The following ROCK1 variants were observed in gnomAD, a reference collection of about 807,000 sequenced individuals.
The protein encoded by ROCK1 is rho-associated protein kinase 1.
A neutral mutation model predicts 196.8 loss-of-function variants in ROCK1; 36 were observed. That is an observed-to-expected ratio of 0.18 (90% confidence interval 0.14 to 0.24). The LOEUF (loss-of-function observed/expected upper bound fraction) is 0.24. Among genes scored for constraint, ROCK1 ranks in the 10% least tolerant of loss-of-function variants. ROCK1 has a pLI of 1.00. For missense variants in ROCK1, 920 were observed against 1,562.0 expected (o/e 0.59, Z 6.93); for synonymous variants, 443 against 515.9 (o/e 0.86, Z 1.91).
chr18:20,963,007 T>G (rs1244668992), intron 27 of ROCK1, among the ~76,000 whole-genome samples: 1 of 152,142 alleles, frequency 6.6e-6, no homozygotes, highest in East Asian at 1.9e-4. Context: ...AGTGGTGATC[T>G]GGAGGTATAA....
At chr18:20,959,093 AAT>A (rs1259427078) in intron 29 of ROCK1, among the ~76,000 whole-genome samples, 494 of 32,368 alleles carry the variant, frequency 0.015, 10 homozygotes, top group Middle Eastern at 0.071. Context: ...TATTTTATAT[AAT>A]ATATATATTA....
At chr18:21,051,934 G>A (rs1366109813) in intron 2 of ROCK1, among the ~76,000 whole-genome samples, 1 of 152,160 alleles carries the variant, frequency 6.6e-6, no homozygotes, top group Non-Finnish European at 1.5e-5. Context: ...TAGGAAATAC[G>A]TAGAAGATGA....
chr18:20,971,055 G>A (rs1160043012), intron 22 of ROCK1, among the ~76,000 whole-genome samples: 1 of 152,086 alleles, frequency 6.6e-6, no homozygotes, highest in Non-Finnish European at 1.5e-5. Flanking sequence ...AAACTAATCT[G>A]AGAATGCTCC....
chr18:20,983,982 A>G (rs1412850669), intron 20 of ROCK1, among the ~76,000 whole-genome samples: 1 of 152,220 alleles, frequency 6.6e-6, no homozygotes, highest in Admixed American at 6.5e-5. Context: ...CAGAAAAAGA[A>G]AAAAGACATT....
chr18:20,970,200 AAACT>A, intron 23 of ROCK1, 144 bp downstream of exon 23: 1 of 546,376 alleles, frequency 1.8e-6, no homozygotes, highest in South Asian at 3.6e-5. Flanking sequence ...GGTATTATAC[AAACT>A]ATTTTATACA....
chr18:20,957,806 T>TAA (rs35473579), intron 29 of ROCK1, among the ~76,000 whole-genome samples: 8 of 134,558 alleles, frequency 5.9e-5, no homozygotes, highest in African/African-American at 1.1e-4. Context: ...CTTCATAAAT[T>TAA]AAAAAAAAAA....
At chr18:21,050,025 C>T (rs1035162473) in intron 2 of ROCK1, 145 bp from the exon 3 acceptor site, 9 of 493,504 alleles carry the variant, frequency 1.8e-5, no homozygotes, top group Non-Finnish European at 2.8e-5. Context: ...AAACTTGAAG[C>T]TATAAAGTAG....
At chr18:20,963,252 G>A (rs906946203) in intron 27 of ROCK1, among the ~76,000 whole-genome samples, 1 of 152,060 alleles carries the variant, frequency 6.6e-6, no homozygotes, top group African/African-American at 2.4e-5. Context: ...CCAAATAAGA[G>A]ACAATCTAAC....
chr18:20,954,462 G>A (rs1426689249), intron 31 of ROCK1, among the ~76,000 whole-genome samples: 55 of 151,206 alleles, frequency 3.6e-4, no homozygotes, highest in Non-Finnish European at 6.0e-4. Context: ...TATAGTCCCA[G>A]CTACTCAGGA....
At chr18:21,080,835 G>T (rs2036476731) in intron 1 of ROCK1, among the ~76,000 whole-genome samples, 1 of 152,042 alleles carries the variant, frequency 6.6e-6, no homozygotes, top group Non-Finnish European at 1.5e-5. Context: ...TGTACATTTG[G>T]TATATAAATA....
intron 16 of ROCK1, among the ~76,000 whole-genome samples, chr18:20,994,297 G>C (rs1175208171): frequency 6.6e-6 from 1 of 152,164 alleles, no homozygotes; most frequent in African/African-American, 2.4e-5. Context: ...AAATGTTGAA[G>C]TGCTATTTAG....
chr18:21,105,921 A>G (rs2036699083), intron 1 of ROCK1, among the ~76,000 whole-genome samples: 1 of 152,232 alleles, frequency 6.6e-6, no homozygotes. Flanking sequence ...GAAAAGAAAA[A>G]AAGAAGAATG....
At chr18:21,032,382 GAAA>G (rs1394225686) in intron 9 of ROCK1, among the ~76,000 whole-genome samples, 1 of 150,094 alleles carries the variant, frequency 6.7e-6, no homozygotes, top group African/African-American at 2.5e-5. Context: ...AAAATATACA[GAAA>G]AGGAAAAGAA....
At chr18:21,077,541 G>A (rs1402840007) in intron 1 of ROCK1, among the ~76,000 whole-genome samples, 2 of 152,172 alleles carry the variant, frequency 1.3e-5, no homozygotes, top group Non-Finnish European at 2.9e-5. Flanking sequence ...AAAGATGGGG[G>A]AGTAGGGAGG....
chr18:21,057,297 A>T (rs2036252275), intron 2 of ROCK1, among the ~76,000 whole-genome samples: 1 of 152,168 alleles, frequency 6.6e-6, no homozygotes, highest in African/African-American at 2.4e-5. Context: ...AAAATGAGCA[A>T]ATTGAGTCAT....
At chr18:21,034,012 C>T (rs1159031057) in intron 9 of ROCK1, among the ~76,000 whole-genome samples, 14 of 132,304 alleles carry the variant, frequency 1.1e-4, no homozygotes, top group South Asian at 2.4e-4. Context: ...CCAGCCTGGG[C>T]GACAGAGCGA....
chr18:21,042,874 T>C (rs1340025724), intron 6 of ROCK1, among the ~76,000 whole-genome samples, 165 bp from the exon 7 acceptor site: 2 of 152,162 alleles, frequency 1.3e-5, no homozygotes, highest in African/African-American at 2.4e-5. Context: ...AGCTTAATCA[T>C]ATATATACAT....
At chr18:21,065,027 G>A (rs1307127758) in intron 2 of ROCK1, among the ~76,000 whole-genome samples, 1 of 152,204 alleles carries the variant, frequency 6.6e-6, no homozygotes, top group Non-Finnish European at 1.5e-5. Context: ...GCAGAGGCCA[G>A]GGGTGCTGCT....
At position 20,959,077 on chromosome 18, in the gene ROCK1, TATATATATTTTATATA is replaced by T. The variant is rs2035288967; in HGVS notation, c.3512+747_3512+762del. On this transcript the variant is annotated intron_variant, in intron 29 of 32. Transcript: ENST00000399799. ...ATATATTATATTTTATATTATATAA[TATATATATTTTATATA>T]ATATATATATTATATATATATTATA... Among the ~76,000 whole-genome samples the T allele has an allele frequency of 7.8e-5, 3 of 38,370 alleles. 1 individual carries two copies. In the South Asian group the frequency reaches 2.0e-3, roughly 26 times the overall value. 25.2% of individuals were successfully genotyped at this position (38,370 alleles called of 152,430 possible).
Sources: gnomAD v4.1 joint callset for allele counts (sites outside exome capture counted in the v4.1 genomes callset) on GRCh38, gnomAD v4.1.1 for gene constraint, MANE v1.5 for transcripts, NCBI Gene and HGNC (gene_info 2026-07-23, HGNC 2026-07-21) for gene names.